GLMN: variants seen among roughly 807,000 people sequenced by gnomAD.
GLMN encodes the protein glomulin, FKBP associated protein, also known as glomulin.
In GLMN, 75 loss-of-function variants were observed where a neutral mutation model predicts 87.8. That is an observed-to-expected ratio of 0.85 (90% CI 0.71 to 1.04). The LOEUF is 1.04. Among genes scored for constraint, GLMN ranks in the 50% least tolerant of loss-of-function variants. GLMN has a pLI of 0.00. For missense variants in GLMN, 588 were observed against 658.8 expected (o/e 0.89, Z 1.18); for synonymous variants, 206 against 221.6 (o/e 0.93, Z 0.63).
chr1:92,283,778 G>C (rs1442929845), intron 7 of GLMN, among the ~76,000 whole-genome samples: 1 of 152,104 alleles, frequency 6.6e-6, no homozygotes, highest in African/African-American at 2.4e-5. Context: ...AAAGTCTCAG[G>C]ATACAAAATC....
At chr1:92,350,856 C>T in the GLMN span, among the ~76,000 whole-genome samples, 1 of 151,532 alleles carries the variant, frequency 6.6e-6, no homozygotes, top group Non-Finnish European at 1.5e-5. Flanking sequence ...CACTTGAACC[C>T]AGGAGGCAAA....
chr1:92,271,061 C>T (rs941279248), intron 8 of GLMN, among the ~76,000 whole-genome samples: 4 of 152,092 alleles, frequency 2.6e-5, no homozygotes, highest in East Asian at 1.9e-4. Context: ...TTTAAGGCTT[C>T]GCTTTCTGGT....
At chr1:92,324,247 A>G in the GLMN span, 1 of 1,614,120 alleles carries the variant, frequency 6.2e-7, no homozygotes, top group Non-Finnish European at 8.5e-7. Flanking sequence ...AGGTACAGCC[A>G]TTAAACCACT....
At chr1:92,276,631 C>T (rs1647328838) in intron 7 of GLMN, among the ~76,000 whole-genome samples, 1 of 152,184 alleles carries the variant, frequency 6.6e-6, no homozygotes, top group Non-Finnish European at 1.5e-5. Context: ...CTCTTCACTC[C>T]AGCTTGGGCA....
the GLMN span, among the ~76,000 whole-genome samples, chr1:92,356,950 C>A: frequency 6.6e-6 from 1 of 151,862 alleles, no homozygotes; most frequent in Non-Finnish European, 1.5e-5. Flanking sequence ...CCTGTAATCT[C>A]AGCTACTCAG....
chr1:92,310,093 G>C, the GLMN span, among the ~76,000 whole-genome samples: 1 of 152,042 alleles, frequency 6.6e-6, no homozygotes, highest in African/African-American at 2.4e-5. Flanking sequence ...CACTTGATTA[G>C]AAGGAAACAG....
chr1:92,295,519 C>T (rs913213071), intron 3 of GLMN, among the ~76,000 whole-genome samples: 2 of 152,116 alleles, frequency 1.3e-5, no homozygotes, highest in African/African-American at 4.8e-5. Context: ...TTTCCCTCTA[C>T]TTAGGTTGCC....
chr1:92,301,535 A>C (rs779585102), upstream of GLMN: 3 of 1,596,358 alleles, frequency 1.9e-6, no homozygotes, highest in African/African-American at 4.1e-5. Flanking sequence ...AAAGCTCTAC[A>C]TATTGTTGAA....
intron 16 of GLMN, among the ~76,000 whole-genome samples, chr1:92,259,081 G>C (rs570883413): frequency 6.6e-6 from 1 of 152,018 alleles, no homozygotes; most frequent in African/African-American, 2.4e-5. Context: ...TGTTTCCCTT[G>C]TCCCAGCTTT....
chr1:92,302,259 A>T (rs1386157775), upstream of GLMN, among the ~76,000 whole-genome samples: 2 of 151,968 alleles, frequency 1.3e-5, no homozygotes, highest in Middle Eastern at 3.2e-3. Context: ...TCTGGGCAAC[A>T]AGAGTGAGAC....
chr1:92,262,637 C>T (rs1655181059), intron 16 of GLMN, among the ~76,000 whole-genome samples: 1 of 152,208 alleles, frequency 6.6e-6, no homozygotes. Flanking sequence ...GTGCTTTCAG[C>T]AAGAAAGCAG....
intron 1 of GLMN, among the ~76,000 whole-genome samples, chr1:92,298,612 T>G (rs1650449502): frequency 6.6e-6 from 1 of 152,132 alleles, no homozygotes; most frequent in South Asian, 2.1e-4. Context: ...AATCACTGTA[T>G]CACACGGAGA....
At chr1:92,254,369 C>A (rs1321509711) in intron 16 of GLMN, among the ~76,000 whole-genome samples, 4 of 152,146 alleles carry the variant, frequency 2.6e-5, no homozygotes, top group Non-Finnish European at 5.9e-5. Context: ...AGGAGAACTT[C>A]CCAACCTAGG....
chr1:92,312,418 CAA>C, the GLMN span, among the ~76,000 whole-genome samples: 97 of 146,752 alleles, frequency 6.6e-4, no homozygotes, highest in Admixed American at 6.1e-4. Flanking sequence ...GACCGTGTCT[CAA>C]AAAAAAAAAA....
At chr1:92,270,951 A>C (rs1167266195) in intron 8 of GLMN, among the ~76,000 whole-genome samples, 1 of 152,244 alleles carries the variant, frequency 6.6e-6, no homozygotes, top group Non-Finnish European at 1.5e-5. Flanking sequence ...AGCAGGGACC[A>C]GACCAGGCAC....
chr1:92,278,273 T>G (rs1482681615), intron 7 of GLMN, among the ~76,000 whole-genome samples: 2 of 152,176 alleles, frequency 1.3e-5, no homozygotes, highest in African/African-American at 2.4e-5. Context: ...GTGCTTATAC[T>G]ACCTCCAGAA....
the GLMN span, chr1:92,304,181 A>G: frequency 1.8e-6 from 2 of 1,115,044 alleles, no homozygotes; most frequent in African/African-American, 3.1e-5. Flanking sequence ...AACTAAAGGC[A>G]TGGATTGGCC....
At chr1:92,256,150 A>G (rs1028828015) in intron 16 of GLMN, among the ~76,000 whole-genome samples, 24 of 151,986 alleles carry the variant, frequency 1.6e-4, no homozygotes, top group Non-Finnish European at 2.2e-4. Flanking sequence ...GAAAATCTAG[A>G]AAAAAAATGG....
chr1:92,271,647 A>T lies in GLMN; in HGVS notation c.741T>A (p.Phe247Leu). Residue 247 changes from phenylalanine (F) to leucine (L), a missense_variant, in exon 8 of 19, where the codon TTT becomes TTA. Physicochemically the swap from Phe to Leu is conservative, Grantham distance 22 (BLOSUM62 0). Coordinates refer to ENST00000370360, the MANE Select transcript of GLMN (RefSeq NM_053274.3). ...FRYFASEIIG[F>L]LSAIGHPFPK... ...GGAAAGGGTGTCCAATTGCTGATAA[A>T]AAACCCTATGAAATGGATAAAAAAG... is the stretch of plus-strand genomic sequence containing the variant. The T allele has an allele frequency of 6.2e-7, 1 of 1,609,530 alleles. No homozygotes were observed. The highest frequency in any genetic ancestry group is 1.1e-5 in the South Asian group (1 of 90,972).
Sources: gnomAD v4.1 joint callset for allele counts (sites outside exome capture counted in the v4.1 genomes callset) on GRCh38, gnomAD v4.1.1 for gene constraint, MANE v1.5 for transcripts, NCBI Gene and HGNC (gene_info 2026-07-23, HGNC 2026-07-21) for gene names.